REEP1: variants seen among roughly 807,000 people sequenced by gnomAD.
The protein encoded by REEP1 is receptor expression-enhancing protein 1.
Under a neutral mutation model 40.3 loss-of-function variants are expected in REEP1, and 22 were observed. That is an observed-to-expected ratio of 0.55 (90% confidence interval 0.39 to 0.78). REEP1 has a LOEUF of 0.78. Ranked by LOEUF, REEP1 falls within the 30% of genes least tolerant of loss-of-function variation. REEP1 has a pLI of 0.00. For synonymous variants in REEP1, 116 were observed against 139.2 expected (o/e 0.83, Z 1.17); for missense variants, 280 against 361.1 (o/e 0.78, Z 1.82).
At chr2:86,236,955 C>T (rs934653569) in intron 5 of REEP1, among the ~76,000 whole-genome samples, 2 of 152,284 alleles carry the variant, frequency 1.3e-5, no homozygotes, top group South Asian at 4.1e-4. Flanking sequence ...AGGATGGTCT[C>T]GATCTCCTGA....
At chr2:86,323,605 G>A (rs1045896326) in intron 1 of REEP1, among the ~76,000 whole-genome samples, 7 of 152,180 alleles carry the variant, frequency 4.6e-5, no homozygotes, top group Admixed American at 3.3e-4. Flanking sequence ...ATCTGAGGTG[G>A]AACAGTTTCA....
rs576549545 is a variant in REEP1 at position 86,307,165 on chromosome 2, T to C, written c.33-24923A>G. ...GTTGCAGTGAGCCGAGATCACGCCATTGTACTCCAGCCTGGGCAACACAGC... is the reference window on the plus strand; with the variant it reads ...GTTGCAGTGAGCCGAGATCACGCCACTGTACTCCAGCCTGGGCAACACAGC... On this transcript the variant is annotated intron_variant, in intron 1 of 8. Transcript: ENST00000538924. Among the ~76,000 whole-genome samples the C allele has an allele frequency of 2.6e-5, 4 of 151,268 alleles. No individual in the cohort carries two copies. In the East Asian group the frequency reaches 7.8e-4, roughly 30 times the overall value.
intron 8 of REEP1, 149 bp from the exon 9 acceptor site, chr2:86,217,259 C>A (rs1037574524): frequency 8.4e-5 from 60 of 718,100 alleles, no homozygotes; most frequent in Non-Finnish European, 1.5e-4. Context: ...ATCTCCGCAA[C>A]AGGAAGCAAT....
In REEP1 at chr2:86,277,505, G is replaced by A. The variant is rs371941183; in HGVS notation, c.105+4665C>T. Among the ~76,000 whole-genome samples the A allele has an allele frequency of 9.3e-5, 14 of 150,586 alleles. No homozygotes were observed. The East Asian group carries it at 2.4e-3, about 25-fold the overall frequency. ...CAGGAGGCAGAGGTTGCAGTGAGCC[G>A]AGATCGTGCCACTGCACTCCAGCCT... On this transcript the variant is annotated intron_variant, in intron 2 of 8. Coordinates refer to ENST00000538924, the MANE Select transcript of REEP1 (RefSeq NM_001371279.1).
chr2:86,299,098 C>T (rs1301398316), intron 1 of REEP1, among the ~76,000 whole-genome samples: 1 of 152,230 alleles, frequency 6.6e-6, no homozygotes, highest in African/African-American at 2.4e-5. Flanking sequence ...ATGTTGATAT[C>T]AAGGGCCTCT....
At chr2:86,256,763 T>A (rs1676584612) in intron 3 of REEP1, among the ~76,000 whole-genome samples, 1 of 152,168 alleles carries the variant, frequency 6.6e-6, no homozygotes, top group East Asian at 1.9e-4. Flanking sequence ...CATGTCTATG[T>A]CTTACCCACA....
rs17438464 is a variant in REEP1 at position 86,214,044 on chromosome 2, A to G, written c.*2995T>C. The stretch of plus-strand genomic sequence containing the variant: ...TTATTCAAGATGTGTATCAGGCATT[A>G]TAACAAAACAGCAGAACTTCAACCT... On this transcript the variant is annotated 3_prime_UTR_variant, in exon 9 of 9. Transcript: ENST00000538924. 0.016 allele frequency: 3,247 copies of G among 199,976 alleles called. 40 individuals carry two copies. The highest frequency in any genetic ancestry group is 0.031 in the South Asian group (328 of 10,612). 12.4% of individuals were successfully genotyped at this position (199,976 alleles called of 1,614,324 possible).
chr2:86,228,569 C>T (rs1410731805), intron 6 of REEP1, among the ~76,000 whole-genome samples: 2 of 151,970 alleles, frequency 1.3e-5, no homozygotes, highest in South Asian at 4.2e-4. Flanking sequence ...AGCAATTCTC[C>T]AGCCTCAGCC....
intron 7 of REEP1, among the ~76,000 whole-genome samples, chr2:86,226,676 C>A (rs899566366): frequency 6.7e-6 from 1 of 149,630 alleles, no homozygotes; most frequent in African/African-American, 2.5e-5. Flanking sequence ...TGCTATATTG[C>A]CCAGGTTGGT....
In REEP1 at chr2:86,309,223, A is replaced by T. The variant is rs1219443571; in HGVS notation, c.33-26981T>A. ...CCAAACTTCCCCTCGGCCTCCCGTC[A>T]GCACCCCTAACCTCTCTGGACCTGT... On this transcript the variant is annotated intron_variant, in intron 1 of 8. Transcript: ENST00000538924. Among the ~76,000 whole-genome samples the T allele has an allele frequency of 2.0e-5, 3 of 152,256 alleles. No individual in the cohort carries two copies. In the East Asian group the frequency reaches 5.8e-4, roughly 29 times the overall value.
At chr2:86,269,723 A>C (rs1168470839) in intron 2 of REEP1, among the ~76,000 whole-genome samples, 1 of 152,210 alleles carries the variant, frequency 6.6e-6, no homozygotes, top group African/African-American at 2.4e-5. Flanking sequence ...GGTGGTCAGG[A>C]AAAAATAATA....
chr2:86,270,073 T>C (rs1048228521), intron 2 of REEP1, among the ~76,000 whole-genome samples: 8 of 152,244 alleles, frequency 5.3e-5, no homozygotes, highest in African/African-American at 1.9e-4. Flanking sequence ...AGCAACTTAT[T>C]AACAAAACTT....
chr2:86,219,604 C>T (rs1674310228), intron 8 of REEP1, among the ~76,000 whole-genome samples: 1 of 152,038 alleles, frequency 6.6e-6, no homozygotes, highest in Non-Finnish European at 1.5e-5. Flanking sequence ...CGCCACTACA[C>T]CCGGCTAATT....
intron 1 of REEP1, 77 bp from the exon 2 acceptor site, chr2:86,282,319 A>G (rs1678140784): frequency 1.9e-6 from 2 of 1,078,920 alleles, no homozygotes; most frequent in South Asian, 2.5e-5. Context: ...CTTCAATGCC[A>G]AGAGCAACTC....
At chr2:86,229,165 C>T (rs972846405) in intron 6 of REEP1, among the ~76,000 whole-genome samples, 5 of 152,156 alleles carry the variant, frequency 3.3e-5, no homozygotes, top group Non-Finnish European at 7.3e-5. Context: ...AGGGACTATT[C>T]GGTCTTTTTT....
At chr2:86,299,584 T>A (rs1200324075) in intron 1 of REEP1, among the ~76,000 whole-genome samples, 1 of 152,242 alleles carries the variant, frequency 6.6e-6, no homozygotes, top group Non-Finnish European at 1.5e-5. Flanking sequence ...TTCTTCCAGC[T>A]TGCATTATGT....
chr2:86,251,811 T>G (rs1228440921), intron 5 of REEP1, 146 bp downstream of exon 5: 3 of 744,764 alleles, frequency 4.0e-6, no homozygotes, highest in Non-Finnish European at 7.4e-6. Context: ...TTCAGCATTT[T>G]TTTCCATCAG....
At chr2:86,286,770 C>T (rs17738096) in intron 1 of REEP1, among the ~76,000 whole-genome samples, 1 of 151,922 alleles carries the variant, frequency 6.6e-6, no homozygotes, top group African/African-American at 2.4e-5. Context: ...TGTTGCTGAC[C>T]GTAGCCAAGT....
chr2:86,242,622 A>G (rs1675724096), intron 5 of REEP1, among the ~76,000 whole-genome samples: 1 of 152,200 alleles, frequency 6.6e-6, no homozygotes, highest in Non-Finnish European at 1.5e-5. Flanking sequence ...AAAATTCTGG[A>G]AACAGCGCTC....
Sources: allele counts gnomAD v4.1 joint callset (sites outside exome capture counted in the v4.1 genomes callset), GRCh38; gene constraint gnomAD v4.1.1; transcripts MANE v1.5; gene names NCBI Gene and HGNC (gene_info 2026-07-23, HGNC 2026-07-21).